Variants in STARD13 observed in about 807,000 individuals in gnomAD.
STARD13 encodes StAR related lipid transfer domain containing 13.
A neutral mutation model predicts 106.4 loss-of-function variants in STARD13; 62 were observed. The ratio of observed to expected loss-of-function variants is 0.58; its 90% CI spans 0.48 to 0.72. STARD13 has a LOEUF of 0.72. Among genes scored for constraint, STARD13 ranks in the 30% least tolerant of loss-of-function variants. The pLI is 0.00. For synonymous variants in STARD13, 565 were observed against 553.0 expected, an observed-to-expected ratio of 1.02 and a Z score of -0.31; for missense variants, 1,387 against 1,424.0, an observed-to-expected ratio of 0.97 and a Z score of 0.42.
the STARD13 span, among the ~76,000 whole-genome samples, chr13:33,624,775 T>C: frequency 6.6e-6 from 1 of 152,378 alleles, no homozygotes; most frequent in South Asian, 2.1e-4. Context: ...AGATTAGTTA[T>C]AGATAACTTA....
chr13:33,429,583 T>C, the STARD13 span, among the ~76,000 whole-genome samples: 1 of 150,724 alleles, frequency 6.6e-6, no homozygotes, highest in African/African-American at 2.4e-5. Flanking sequence ...TATTCAGCCA[T>C]AAAAAACAAT....
chr13:33,164,269 T>A (rs551332027), intron 3 of STARD13: 1 of 152,300 alleles, frequency 6.6e-6, no homozygotes, highest in Non-Finnish European at 1.5e-5. Context: ...CAAAAATATA[T>A]TATGTATATA....
intron 1 of STARD13, among the ~76,000 whole-genome samples, chr13:33,219,826 AG>A (rs67312229): frequency 0.069 from 9,035 of 130,788 alleles, 542 homozygotes; most frequent in African/African-American, 0.15. Context: ...AAAAAAAAAA[AG>A]AAAGAAAGAA....
At chr13:33,205,822 G>A in intron 1 of STARD13, 1 of 983,692 alleles carries the variant, frequency 1.0e-6, no homozygotes, top group Non-Finnish European at 1.2e-6. Flanking sequence ...AACTTACTTT[G>A]TTTAAAATTG....
intron 1 of STARD13, among the ~76,000 whole-genome samples, chr13:33,191,833 A>C (rs1001866459): frequency 6.6e-6 from 1 of 152,250 alleles, no homozygotes; most frequent in Non-Finnish European, 1.5e-5. Context: ...TTTGTAATCC[A>C]ATTCTAATAA....
the STARD13 span, among the ~76,000 whole-genome samples, chr13:33,506,007 T>A: frequency 6.6e-6 from 1 of 152,142 alleles, no homozygotes; most frequent in Admixed American, 6.6e-5. Flanking sequence ...ACCGTTGGTG[T>A]CACAGCACAA....
chr13:33,618,909 G>C, the STARD13 span, among the ~76,000 whole-genome samples: 2 of 151,980 alleles, frequency 1.3e-5, no homozygotes, highest in Non-Finnish European at 2.9e-5. Flanking sequence ...GTTCTGAGGA[G>C]AGCTGGGACC....
the STARD13 span, among the ~76,000 whole-genome samples, chr13:33,452,036 G>C: frequency 6.6e-6 from 1 of 152,298 alleles, no homozygotes; most frequent in African/African-American, 2.4e-5. Flanking sequence ...CAAAAATGCT[G>C]GCCTTAGGAG....
At chr13:33,609,863 C>T in the STARD13 span, among the ~76,000 whole-genome samples, 1 of 152,148 alleles carries the variant, frequency 6.6e-6, no homozygotes, top group Admixed American at 6.5e-5. Context: ...CCACTGCGCC[C>T]GGCCTCTACT....
At chr13:33,461,847 C>A in the STARD13 span, among the ~76,000 whole-genome samples, 1 of 152,098 alleles carries the variant, frequency 6.6e-6, no homozygotes, top group Non-Finnish European at 1.5e-5. Context: ...AAAAAAAAAT[C>A]TATCCTCTGA....
chr13:33,484,103 A>G, the STARD13 span, among the ~76,000 whole-genome samples: 1 of 152,228 alleles, frequency 6.6e-6, no homozygotes, highest in Non-Finnish European at 1.5e-5. Flanking sequence ...ACAGTGGAAG[A>G]GACCCAATCA....
At chr13:33,113,911 C>T (rs1874985707) in intron 8 of STARD13, among the ~76,000 whole-genome samples, 1 of 152,124 alleles carries the variant, frequency 6.6e-6, no homozygotes, top group African/African-American at 2.4e-5. Context: ...CGAAAGACAC[C>T]GTCAGGAGCT....
the STARD13 span, among the ~76,000 whole-genome samples, chr13:33,511,648 A>C: frequency 4.6e-5 from 7 of 152,182 alleles, no homozygotes; most frequent in Non-Finnish European, 1.0e-4. Context: ...AAATAATAAA[A>C]TGAAGGAAGA....
At chr13:33,355,168 C>G (rs777591249), upstream of STARD13, 1 of 152,166 alleles carries the variant, frequency 6.6e-6, no homozygotes, top group Non-Finnish European at 1.5e-5. Flanking sequence ...CCTTCTCTTA[C>G]TGCTATGTAA....
chr13:33,526,115 T>G, the STARD13 span, among the ~76,000 whole-genome samples: 1 of 152,130 alleles, frequency 6.6e-6, no homozygotes, highest in Non-Finnish European at 1.5e-5. Context: ...TTCTGATAGT[T>G]ACTGCTGTGT....
the STARD13 span, among the ~76,000 whole-genome samples, chr13:33,554,814 A>G: frequency 1.3e-5 from 2 of 152,310 alleles, no homozygotes; most frequent in South Asian, 4.1e-4. Flanking sequence ...CCACAGAGAT[A>G]AAGGTGAAGT....
upstream of STARD13, chr13:33,350,648 A>G (rs1348676842): frequency 6.3e-6 from 8 of 1,270,502 alleles, no homozygotes; most frequent in South Asian, 1.3e-4. Context: ...GCGCTCGCCA[A>G]CTCCTCTACT....
chr13:33,411,279 T>A, the STARD13 span, among the ~76,000 whole-genome samples: 4 of 152,214 alleles, frequency 2.6e-5, no homozygotes, highest in African/African-American at 9.6e-5. Flanking sequence ...GTGGGACAGA[T>A]AACAGGCAGA....
chr13:33,505,284 C>T, the STARD13 span, among the ~76,000 whole-genome samples: 1 of 152,076 alleles, frequency 6.6e-6, no homozygotes, highest in Non-Finnish European at 1.5e-5. Flanking sequence ...ATTGAAGATT[C>T]ATTAGTTGGT....
Sources: gnomAD v4.1 joint callset for allele counts (sites outside exome capture counted in the v4.1 genomes callset) on GRCh38, gnomAD v4.1.1 for gene constraint, MANE v1.5 for transcripts, NCBI Gene and HGNC (gene_info 2026-07-23, HGNC 2026-07-21) for gene names.